TECPR2: variants seen among roughly 807,000 people sequenced by gnomAD.
TECPR2 encodes the protein tectonin beta-propeller repeat containing 2, also known as tectonin beta-propeller repeat-containing protein 2.
In TECPR2, 65 loss-of-function variants were observed where a neutral mutation model predicts 138.1. The ratio of observed to expected loss-of-function variants is 0.47; its 90% confidence interval spans 0.39 to 0.58. TECPR2 has a LOEUF of 0.58. Among genes scored for constraint, TECPR2 ranks in the 20% least tolerant of loss-of-function variants. The probability of loss-of-function intolerance (pLI) is 0.00; values close to 1 mark genes in which losing one functional copy is unlikely to be tolerated. For synonymous variants in TECPR2, 746 were observed against 749.8 expected, an observed-to-expected ratio of 0.99 and a Z score of 0.08; for missense variants, 1,553 against 1,824.5, an observed-to-expected ratio of 0.85 and a Z score of 2.71.
In TECPR2 at chr14:102,440,437, A is replaced by C. The variant is rs2139739719; in HGVS notation, c.2580A>C (p.Gly860=). 6.2e-7 allele frequency: 1 copy of C among 1,614,024 alleles called. No homozygotes were observed. The highest frequency in any genetic ancestry group is 8.5e-7 in the Non-Finnish European group (1 of 1,179,976). Residue 860 remains glycine (G), a splice_region_variant and synonymous_variant, in exon 11 of 20, where the codon GGA becomes GGC. Coordinates refer to ENST00000359520, the MANE Select transcript of TECPR2 (RefSeq NM_014844.5). The stretch of plus-strand genomic sequence containing the variant: ...TGAATAGAATTTTTATTTCCATAGG[A>C]GCCCTTCTCTGGAAGATTGAACAGA... The part of the protein sequence containing the change: ...AVQQVAVSPS[G]ALLWKIEQKS...
rs531987290 is a variant in TECPR2 at position 102,392,261 on chromosome 14, G to A, written c.220-15077G>A. 2.0e-5 allele frequency among the ~76,000 whole-genome samples: 3 copies of A among 152,322 alleles called. 1 individual carries two copies. The South Asian group carries it at 6.2e-4, about 32-fold the overall frequency. On this transcript the variant is annotated intron_variant, in intron 2 of 19. Transcript: ENST00000359520. ...ACCTGCCTCAGCCTCCCAAAGTGCTGGGATTACAGGCGTGAGCCACTGCGC... is the reference window on the plus strand; with the variant it reads ...ACCTGCCTCAGCCTCCCAAAGTGCTAGGATTACAGGCGTGAGCCACTGCGC...
chr14:102,449,778 G>C lies in TECPR2; in HGVS notation c.3225G>C (p.Gln1075His), dbSNP rs1890093346. 2 of 1,614,178 alleles carry C rather than the reference G, an allele frequency of 1.2e-6. No homozygotes were observed. The highest frequency in any genetic ancestry group is 8.5e-7 in the Non-Finnish European group (1 of 1,180,034). Reference protein sequence around the residue: ...LRMAFWSQQLQCQPSLLGVNN... With the variant: ...LRMAFWSQQLHCQPSLLGVNN... ...TGGCGTTTTGGTCCCAGCAGCTTCA[G>C]TGCCAGCCAAGCCTTCTCGGGGTCA... Residue 1075 changes from glutamine to histidine, a missense_variant, in exon 14 of 20, where the codon CAG (glutamine) becomes CAC (histidine). By Grantham distance (24) the Gln-to-His change is conservative (BLOSUM62 0). Transcript: ENST00000359520.
intron 2 of TECPR2, among the ~76,000 whole-genome samples, chr14:102,382,960 G>C (rs1214177713): frequency 6.6e-6 from 1 of 152,084 alleles, no homozygotes; most frequent in Non-Finnish European, 1.5e-5. Flanking sequence ...GTTTCACCAC[G>C]TTGGCCAGGC....
intron 1 of TECPR2, among the ~76,000 whole-genome samples, chr14:102,369,786 C>A (rs545565239): frequency 0.013 from 1,884 of 142,704 alleles, 45 homozygotes; most frequent in African/African-American, 0.044. Context: ...CTAAAAAAAA[C>A]AAAAAAACAA....
At chr14:102,449,987 G>C in intron 14 of TECPR2, 118 bp downstream of exon 14, 1 of 1,458,390 alleles carries the variant, frequency 6.9e-7, no homozygotes, top group Non-Finnish European at 9.2e-7. Context: ...CCAGTGGTAT[G>C]AAGTGTCTAG....
intron 5 of TECPR2, among the ~76,000 whole-genome samples, chr14:102,421,669 C>G (rs1325884662): frequency 6.6e-6 from 1 of 152,124 alleles, no homozygotes; most frequent in South Asian, 2.1e-4. Context: ...CCTGTAGCCT[C>G]GTTCAGGACA....
chr14:102,470,173 T>TC (rs1487375410), intron 17 of TECPR2, among the ~76,000 whole-genome samples: 11 of 152,222 alleles, frequency 7.2e-5, no homozygotes, highest in African/African-American at 1.9e-4. Context: ...ATTGGTTTTA[T>TC]TTTTTACACC....
chr14:102,451,725 C>T (rs577767625), intron 15 of TECPR2, among the ~76,000 whole-genome samples: 1 of 152,296 alleles, frequency 6.6e-6, no homozygotes. Flanking sequence ...GTAGATAATA[C>T]TTCATATAAC....
At chr14:102,449,240 C>T (rs1331517516) in intron 13 of TECPR2, among the ~76,000 whole-genome samples, 2 of 152,166 alleles carry the variant, frequency 1.3e-5, no homozygotes, top group Non-Finnish European at 2.9e-5. Flanking sequence ...GCAAGACTGT[C>T]TCAGAAAAGA....
intron 2 of TECPR2, among the ~76,000 whole-genome samples, chr14:102,399,129 G>A (rs1482321928): frequency 2.6e-5 from 4 of 152,142 alleles, no homozygotes; most frequent in South Asian, 2.1e-4. Flanking sequence ...GGATGGTGGC[G>A]TATGTGCCTG....
At chr14:102,365,302 A>C (rs1042171695) in intron 1 of TECPR2, among the ~76,000 whole-genome samples, 1 of 152,246 alleles carries the variant, frequency 6.6e-6, no homozygotes, top group African/African-American at 2.4e-5. Context: ...AACTGCCATC[A>C]TGGAGTTCTG....
chr14:102,464,496 G>T (rs539314465), intron 16 of TECPR2, among the ~76,000 whole-genome samples: 2 of 151,778 alleles, frequency 1.3e-5, no homozygotes, highest in Non-Finnish European at 2.9e-5. Flanking sequence ...GGGCCCAACC[G>T]ATCTCAGCCT....
chr14:102,454,207 C>T (rs558689959), intron 16 of TECPR2, among the ~76,000 whole-genome samples: 2 of 152,166 alleles, frequency 1.3e-5, no homozygotes, highest in East Asian at 3.9e-4. Context: ...TCCCCTTCTC[C>T]CCAAGCCCCT....
At chr14:102,439,400 C>T (rs1238029624) in intron 10 of TECPR2, among the ~76,000 whole-genome samples, 3 of 152,052 alleles carry the variant, frequency 2.0e-5, no homozygotes, top group East Asian at 3.9e-4. Flanking sequence ...GTTTGTTCAG[C>T]GTTGTTTTTC....
At chr14:102,480,119 A>G (rs1419148399) in intron 17 of TECPR2, among the ~76,000 whole-genome samples, 2 of 152,148 alleles carry the variant, frequency 1.3e-5, no homozygotes, top group African/African-American at 4.8e-5. Flanking sequence ...CATTAGAGCC[A>G]TCAGAGGAGC....
At position 102,362,976 on chromosome 14, in the gene TECPR2, C is replaced by T; in HGVS notation, c.-213C>T. 6.1e-6 allele frequency: 8 copies of T among 1,311,324 alleles called. No homozygotes were observed. Among genetic ancestry groups the T allele is most frequent in the Non-Finnish European group, 7.5e-6 (7 of 933,722 alleles). The allele number at this position is 1,311,324 out of a possible 1,614,324, so 81.2% of individuals were successfully genotyped here. ...CTGCCGCTCTAGCCCCCGGCGGAGC[C>T]AGCTGCTGCTCTTCGGTGCTGGCCC... On this transcript the variant is annotated 5_prime_UTR_variant, in exon 1 of 20. Transcript: ENST00000359520.
At chr14:102,368,791 G>T (rs1444390989) in intron 1 of TECPR2, among the ~76,000 whole-genome samples, 1 of 152,112 alleles carries the variant, frequency 6.6e-6, no homozygotes, top group Non-Finnish European at 1.5e-5. Context: ...GTAGGCGAGG[G>T]ATATGATAGC....
intron 1 of TECPR2, among the ~76,000 whole-genome samples, chr14:102,374,770 G>T (rs1887599870): frequency 6.6e-6 from 1 of 152,138 alleles, no homozygotes; most frequent in East Asian, 1.9e-4. Flanking sequence ...GTCTCAAGCA[G>T]TTCTCCCACC....
At chr14:102,467,154 G>A (rs1172892740) in intron 17 of TECPR2, among the ~76,000 whole-genome samples, 2 of 152,276 alleles carry the variant, frequency 1.3e-5, no homozygotes, top group African/African-American at 2.4e-5. Context: ...TAGGGAGGAT[G>A]TATGTTCCCA....
Sources: allele counts gnomAD v4.1 joint callset (sites outside exome capture counted in the v4.1 genomes callset), GRCh38; gene constraint gnomAD v4.1.1; transcripts MANE v1.5; gene names NCBI Gene and HGNC (gene_info 2026-07-23, HGNC 2026-07-21).